Variants in UBE2Q2 observed in about 807,000 individuals in gnomAD.
The protein encoded by UBE2Q2 is ubiquitin-conjugating enzyme E2 Q2.
A neutral mutation model predicts 59.9 loss-of-function variants in UBE2Q2; 54 were observed. That is an observed-to-expected ratio of 0.90 (90% CI 0.72 to 1.13). The LOEUF (loss-of-function observed/expected upper bound fraction) is 1.13, where lower values mean the gene tolerates loss of function less well. Among genes scored for constraint, UBE2Q2 ranks in the 50% most tolerant of loss-of-function variants. The pLI, the probability that UBE2Q2 is intolerant of heterozygous loss-of-function variation, is 0.00. For missense variants in UBE2Q2, 433 were observed against 441.9 expected (o/e 0.98, Z 0.18); for synonymous variants, 165 against 155.2 (o/e 1.06, Z -0.47).
rs919743181 is a variant in UBE2Q2 at position 75,843,451 on chromosome 15, G to A, written c.-216G>A. ...GCGGGGCCGCCGCCTCCTGCCGCTG[G>A]AGTCGGTTACAAAGGAAGCGCCACC... is the stretch of plus-strand genomic sequence containing the variant. On this transcript the variant is annotated 5_prime_UTR_variant, in exon 1 of 13. Transcript: ENST00000267938. 4.4e-6 allele frequency: 1 copy of A among 229,736 alleles called. No homozygotes were observed. Among genetic ancestry groups the A allele is most frequent in the Non-Finnish European group, 8.2e-6 (1 of 121,550 alleles). 14.2% of individuals were successfully genotyped at this position (229,736 alleles called of 1,614,324 possible). A position where few individuals can be genotyped will look rare whatever the true frequency, so the allele number is the denominator to read the frequency against.
At chr15:75,852,990 G>C (rs1451717737) in intron 1 of UBE2Q2, among the ~76,000 whole-genome samples, 1 of 152,098 alleles carries the variant, frequency 6.6e-6, no homozygotes, top group South Asian at 2.1e-4. Context: ...TCCTAAAATC[G>C]TTTCTGTGAA....
At chr15:75,864,011 G>C (rs1897328165) in intron 3 of UBE2Q2, among the ~76,000 whole-genome samples, 1 of 152,104 alleles carries the variant, frequency 6.6e-6, no homozygotes, top group South Asian at 2.1e-4. Flanking sequence ...TTAATGCATA[G>C]AGAGCTGCCT....
intron 9 of UBE2Q2, among the ~76,000 whole-genome samples, chr15:75,884,806 G>A (rs1176288803): frequency 2.0e-5 from 3 of 151,858 alleles, no homozygotes; most frequent in Non-Finnish European, 2.9e-5. Flanking sequence ...ATGCCACCAT[G>A]CCCAGCTAAT....
intron 5 of UBE2Q2, among the ~76,000 whole-genome samples, chr15:75,875,116 C>G (rs1188576867): frequency 6.6e-6 from 1 of 152,128 alleles, no homozygotes; most frequent in Non-Finnish European, 1.5e-5. Context: ...GAGTTATAGT[C>G]AAAACAACTA....
intron 3 of UBE2Q2, among the ~76,000 whole-genome samples, chr15:75,865,882 T>C (rs1391575124): frequency 6.6e-6 from 1 of 152,172 alleles, no homozygotes; most frequent in Non-Finnish European, 1.5e-5. Flanking sequence ...CTGTCTGTTA[T>C]TTGTTCAACA....
intron 11 of UBE2Q2, 51 bp downstream of exon 11, chr15:75,891,065 T>C (rs906629758): frequency 6.5e-6 from 9 of 1,385,808 alleles, no homozygotes; most frequent in Non-Finnish European, 9.2e-6. Context: ...TTTATATTAC[T>C]TTATAAGCTT....
chr15:75,844,819 C>T (rs1896244653), intron 1 of UBE2Q2, among the ~76,000 whole-genome samples: 1 of 152,130 alleles, frequency 6.6e-6, no homozygotes, highest in Admixed American at 6.5e-5. Context: ...TCAAACATGG[C>T]TAAAACCAAG....
chr15:75,887,028 T>A (rs1189478964), intron 9 of UBE2Q2, among the ~76,000 whole-genome samples: 2 of 152,158 alleles, frequency 1.3e-5, no homozygotes, highest in East Asian at 3.8e-4. Flanking sequence ...ATTTTCAGTT[T>A]TAAAATCTGT....
chr15:75,890,789 C>T (rs1165955597), intron 10 of UBE2Q2, 130 bp from the exon 11 acceptor site: 6 of 786,834 alleles, frequency 7.6e-6, no homozygotes, highest in Non-Finnish European at 8.1e-6. Context: ...TCCAATTTTA[C>T]TTTTTCCCCT....
chr15:75,861,976 C>G (rs1443993172), intron 3 of UBE2Q2, among the ~76,000 whole-genome samples: 2 of 152,228 alleles, frequency 1.3e-5, no homozygotes, highest in Non-Finnish European at 2.9e-5. Flanking sequence ...TCTGGCCTTT[C>G]TCTCTGCATA....
chr15:75,879,146 AAAAG>A lies in UBE2Q2; in HGVS notation c.786_789del (p.Glu263AlafsTer2), dbSNP rs761388140. The A allele has an allele frequency of 1.9e-6, 3 of 1,603,508 alleles. No homozygotes were observed. The highest frequency in any genetic ancestry group is 1.7e-6 in the Non-Finnish European group (2 of 1,175,360). ...ACAGTGATCTTCAGATCTTAAAAGA[AAAAG>A]AAGGCATAGAATATATTTTGCTTAA... On this transcript the variant is annotated frameshift_variant, in exon 8 of 13. Transcript: ENST00000267938. LOFTEE classifies it high-confidence loss of function.
Position 75,854,412 on chromosome 15 carries a change from A to C in UBE2Q2, c.207A>C (p.Ile69=), listed in dbSNP as rs771190221. 5.0e-6 allele frequency: 8 copies of C among 1,613,144 alleles called. No homozygotes were observed. The highest frequency in any genetic ancestry group is 5.9e-6 in the Non-Finnish European group (7 of 1,179,526). Residue 69 remains isoleucine (I), a synonymous_variant, in exon 2 of 13, where the codon ATA becomes ATC. Coordinates refer to ENST00000267938, the MANE Select transcript of UBE2Q2 (RefSeq NM_173469.4). ...AATCCTATCCATCTTCTTCACCGAT[A>C]TGGTTTGTGGATTCTGAAGACCCAA... is the stretch of plus-strand genomic sequence containing the variant. ...ITESYPSSSP[I]WFVDSEDPNL...
At chr15:75,844,115 C>T in intron 1 of UBE2Q2, 1 of 1,415,586 alleles carries the variant, frequency 7.1e-7, no homozygotes, top group East Asian at 2.6e-5. Context: ...TCTCCTAGCC[C>T]CGAGGGGGGA....
At chr15:75,891,050 T>C (rs373102975) in intron 11 of UBE2Q2, 36 bp downstream of exon 11, 89 of 1,474,312 alleles carry the variant, frequency 6.0e-5, no homozygotes, top group African/African-American at 1.7e-4. Context: ...AACCATAAGA[T>C]ACATTTTATA....
chr15:75,856,344 T>G (rs1057342558), intron 2 of UBE2Q2, among the ~76,000 whole-genome samples: 5 of 150,522 alleles, frequency 3.3e-5, no homozygotes, highest in African/African-American at 1.2e-4. Context: ...GTTGACAAAA[T>G]GACTCTAACA....
intron 11 of UBE2Q2, among the ~76,000 whole-genome samples, chr15:75,892,127 G>A (rs890585223): frequency 6.6e-6 from 1 of 152,154 alleles, no homozygotes; most frequent in African/African-American, 2.4e-5. Context: ...GTATAAATGA[G>A]CAAGGGTGGG....
intron 8 of UBE2Q2, among the ~76,000 whole-genome samples, chr15:75,880,588 G>A (rs994946507): frequency 6.6e-6 from 1 of 151,694 alleles, no homozygotes; most frequent in Non-Finnish European, 1.5e-5. Flanking sequence ...TGCAACCTCT[G>A]CCTCCCGGGT....
In UBE2Q2 at chr15:75,871,714, T is replaced by G. The variant is rs575871864; in HGVS notation, c.448-1714T>G. Among the ~76,000 whole-genome samples the G allele has an allele frequency of 7.2e-5, 11 of 152,260 alleles. No individual in the cohort carries two copies. The South Asian group carries it at 2.3e-3, about 32-fold the overall frequency. On this transcript the variant is annotated intron_variant, in intron 4 of 12. Coordinates refer to ENST00000267938, the MANE Select transcript of UBE2Q2 (RefSeq NM_173469.4). ...GGGGTAAGGTCAAAGATTAACAGAATCTCAAGGCAGAAGAATTTTTCTTAG... is the reference window on the plus strand; with the variant it reads ...GGGGTAAGGTCAAAGATTAACAGAAGCTCAAGGCAGAAGAATTTTTCTTAG...
chr15:75,890,303 A>G lies in UBE2Q2; in HGVS notation c.885-132A>G, dbSNP rs1325489436. 8 of 653,254 alleles carry G rather than the reference A, an allele frequency of 1.2e-5. No homozygotes were observed. In the South Asian group the frequency reaches 1.7e-4, roughly 14 times the overall value. 40.5% of individuals were successfully genotyped at this position (653,254 alleles called of 1,614,324 possible). ...TTACCCATAGTCCTGTATCCCTAAC[A>G]ACTGTTGTCATGTTTGCATGTTATT... On this transcript the variant is annotated intron_variant, in intron 9 of 12. Coordinates refer to ENST00000267938, the MANE Select transcript of UBE2Q2 (RefSeq NM_173469.4).
Sources: allele counts gnomAD v4.1 joint callset (sites outside exome capture counted in the v4.1 genomes callset), GRCh38; gene constraint gnomAD v4.1.1; transcripts MANE v1.5; gene names NCBI Gene and HGNC (gene_info 2026-07-23, HGNC 2026-07-21).